ATP4A: variants seen among roughly 807,000 people sequenced by gnomAD.
ATP4A encodes ATPase H+/K+ transporting subunit alpha.
In ATP4A, 73 loss-of-function variants were observed where a neutral mutation model predicts 112.1. The ratio of observed to expected loss-of-function variants is 0.65; its 90% CI spans 0.54 to 0.79. The LOEUF is 0.79. Ranked by LOEUF, ATP4A falls within the 30% of genes least tolerant of loss-of-function variation. The pLI, the probability that ATP4A is intolerant of heterozygous loss-of-function variation, is 0.00. For synonymous variants in ATP4A, 588 were observed against 588.9 expected (o/e 1.00, Z 0.02); for missense variants, 1,081 against 1,425.9 (o/e 0.76, Z 3.90).
Position 35,557,131 on chromosome 19 carries a change from C to T in ATP4A, c.1694-43G>A. ...AGTCAGGGAAGAGCCCTGGGCACAC[C>T]CTTTCTTAGCAGGGCCAGGAAATGG... is the stretch of plus-strand genomic sequence containing the variant. On this transcript the variant is annotated intron_variant, in intron 11 of 21. Coordinates refer to ENST00000262623, the MANE Select transcript of ATP4A (RefSeq NM_000704.3). This position sits in a 1 kb window ranked among gnomAD's most constrained non-coding sequence, Gnocchi z 4.4. The T allele has an allele frequency of 1.2e-6, 2 of 1,605,048 alleles. No individual in the cohort carries two copies. The highest frequency in any genetic ancestry group is 1.7e-6 in the Non-Finnish European group (2 of 1,174,310).
Position 35,557,719 on chromosome 19 carries a change from C to A in ATP4A, c.1629G>T (p.Glu543Asp). 1.2e-6 allele frequency: 2 copies of A among 1,608,282 alleles called. No homozygotes were observed. Among genetic ancestry groups the A allele is most frequent in the Non-Finnish European group, 1.7e-6 (2 of 1,177,592 alleles). ...LIKGQELPLD[E>D]QWREAFQTAY... ...CGGTCTGGAAGGCCTCGCGCCACTGCTCGTCCAGCGGCAGCTCCTGGCCCT... is the reference window on the plus strand; with the variant it reads ...CGGTCTGGAAGGCCTCGCGCCACTGATCGTCCAGCGGCAGCTCCTGGCCCT... The change falls in exon 11 of 22, where the codon GAG becomes GAT. Residue 543 changes from glutamate (E) to aspartate (D), a missense_variant. This residue lies in a region of ATP4A where 850 missense variants were observed against 1,068.2 expected (regional missense o/e 0.80). Transcript: ENST00000262623. The surrounding 1 kb of genome is among the most constrained non-coding windows in gnomAD (Gnocchi z 4.4).
chr19:35,553,707 A>T lies in ATP4A; in HGVS notation c.2604T>A (p.Ile868=). 6.2e-7 allele frequency: 1 copy of T among 1,613,418 alleles called. No individual in the cohort carries two copies. The highest frequency in any genetic ancestry group is 8.5e-7 in the Non-Finnish European group (1 of 1,179,736). The change falls in exon 17 of 22, where the codon ATT becomes ATA. Residue 868 remains isoleucine, a splice_region_variant and synonymous_variant. Coordinates refer to ENST00000262623, the MANE Select transcript of ATP4A (RefSeq NM_000704.3). ...EPLAAYSYFQ[I]GAIQSFAGFT... ...GCTCCCCGGCCCACGGGCACCCACC[A>T]ATCTGGAAGTAGGAGTAGGCAGCCA...
chr19:35,561,401 C>G (rs1050539983), intron 4 of ATP4A, among the ~76,000 whole-genome samples: 5 of 152,054 alleles, frequency 3.3e-5, no homozygotes, highest in Non-Finnish European at 7.4e-5. Context: ...CCCTGGGCCC[C>G]CTTGTCCCTG....
chr19:35,552,470 C>T (rs1568312984), intron 18 of ATP4A, among the ~76,000 whole-genome samples: 1 of 152,174 alleles, frequency 6.6e-6, no homozygotes, highest in Non-Finnish European at 1.5e-5. Context: ...CTGAGGTAGA[C>T]TTTGATATTC....
In ATP4A at chr19:35,550,975, C is replaced by T; in HGVS notation, c.2987+35G>A. The T allele has an allele frequency of 6.2e-7, 1 of 1,613,014 alleles. No individual in the cohort carries two copies. The highest frequency in any genetic ancestry group is 8.5e-7 in the Non-Finnish European group (1 of 1,179,410). On this transcript the variant is annotated intron_variant, in intron 20 of 21. Transcript: ENST00000262623. This position sits in a 1 kb window ranked among gnomAD's most constrained non-coding sequence, Gnocchi z 4.1. ...GCCATCCCAGGCCTGTGCCCTACAG[C>T]CCCCTCCCTGTCCTTGCCCCTCACA...
Position 35,558,934 on chromosome 19 carries a change from T to G in ATP4A, c.1255+59A>C. 6.3e-7 allele frequency: 1 copy of G among 1,595,896 alleles called. No individual in the cohort carries two copies. The highest frequency in any genetic ancestry group is 8.6e-7 in the Non-Finnish European group (1 of 1,165,868). On this transcript the variant is annotated intron_variant, in intron 8 of 21. Transcript: ENST00000262623. This position sits in a 1 kb window ranked among gnomAD's most constrained non-coding sequence, Gnocchi z 5.1. Reference sequence around the variant, plus strand: ...GCCCTCCCTACCTCCCTATCCCTCTTCAGGTCTCCACCATCCACCAGATCC... The same window carrying G: ...GCCCTCCCTACCTCCCTATCCCTCTGCAGGTCTCCACCATCCACCAGATCC...
chr19:35,550,816 C>T lies in ATP4A; in HGVS notation c.3079+18G>A, dbSNP rs1180034100. 18 of 1,613,878 alleles carry T rather than the reference C, an allele frequency of 1.1e-5. No homozygotes were observed. The highest frequency in any genetic ancestry group is 1.5e-5 in the Non-Finnish European group (18 of 1,179,800). On this transcript the variant is annotated intron_variant, in intron 21 of 21. Transcript: ENST00000262623. This position sits in a 1 kb window ranked among gnomAD's most constrained non-coding sequence, Gnocchi z 4.1. ...CGTTTCAGTCCCCTGCCCCCAGGCTCCCAGTCTCCACACTCACTCCCTGGG... is the reference window on the plus strand; with the variant it reads ...CGTTTCAGTCCCCTGCCCCCAGGCTTCCAGTCTCCACACTCACTCCCTGGG...
chr19:35,552,926 A>G, intron 18 of ATP4A, 111 bp downstream of exon 18: 1 of 1,379,048 alleles, frequency 7.3e-7, no homozygotes, highest in Non-Finnish European at 9.7e-7. Context: ...GGGGTCCGGG[A>G]TGCTCTGGCT....
Position 35,562,431 on chromosome 19 carries a change from T to C in ATP4A, c.420+4A>G. ...CCTGAGCCTGTCCCCACAACATGGC[T>C]CACATTGTCGTCGGTGGTGAGGTCC... On this transcript the variant is annotated splice_donor_region_variant and intron_variant, in intron 4 of 21. Transcript: ENST00000262623. 2 of 1,612,962 alleles carry C rather than the reference T, an allele frequency of 1.2e-6. No individual in the cohort carries two copies. The highest frequency in any genetic ancestry group is 1.7e-6 in the Non-Finnish European group (2 of 1,179,446).
rs1223439784 is a variant in ATP4A at position 35,557,051 on chromosome 19, C to T, written c.1731G>A (p.Pro577=). ...CCTCTACGTCGAAGGCATAGCCAGG[C>T]GGGTAGTCCTTCTCATTCAGGTAGA... is the stretch of plus-strand genomic sequence containing the variant. The part of the protein sequence containing the change: ...CQLYLNEKDY[P]PGYAFDVEAM... The change falls in exon 12 of 22, where the codon CCG becomes CCA. Residue 577 remains proline (P), a synonymous_variant. Coordinates refer to ENST00000262623, the MANE Select transcript of ATP4A (RefSeq NM_000704.3). This position sits in a 1 kb window ranked among gnomAD's most constrained non-coding sequence, Gnocchi z 4.4. The T allele has an allele frequency of 3.7e-6, 6 of 1,614,198 alleles. No homozygotes were observed. Among genetic ancestry groups the T allele is most frequent in the African/African-American group, 1.3e-5 (1 of 75,044 alleles).
Position 35,562,554 on chromosome 19 carries a change from C to T in ATP4A, c.301G>A (p.Val101Ile), listed in dbSNP as rs746909657. ...LRPPRGTPEY[V>I]KFARQLAGGL... ...CCGGCCAGCTGCCTCGCGAACTTGA[C>T]GTACTCTGGGGTGCCCCGTGGTGGC... The change falls in exon 4 of 22, where the codon GTC becomes ATC. Residue 101 changes from valine (V) to isoleucine (I), a missense_variant. Physicochemically the swap from Val to Ile is conservative, Grantham distance 29. Transcript: ENST00000262623. 1.4e-5 allele frequency: 23 copies of T among 1,612,912 alleles called. No individual in the cohort carries two copies. Among genetic ancestry groups the T allele is most frequent in the South Asian group, 1.1e-4 (10 of 90,892 alleles).
Position 35,555,703 on chromosome 19 carries a change from C to T in ATP4A, c.1979G>A (p.Arg660His), listed in dbSNP as rs752094325. 135 of 1,608,628 alleles carry T rather than the reference C, an allele frequency of 8.4e-5. No individual in the cohort carries two copies. The highest frequency in any genetic ancestry group is 8.7e-5 in the Non-Finnish European group (102 of 1,175,610). The change falls in exon 13 of 22, where the codon CGT becomes CAT. Residue 660 changes from arginine to histidine, a missense_variant. Coordinates refer to ENST00000262623, the MANE Select transcript of ATP4A (RefSeq NM_000704.3). This position sits in a 1 kb window ranked among gnomAD's most constrained non-coding sequence, Gnocchi z 6.6. ...ETVEDIAARL[R>H]VPVDQVNRKD... ...GCGATTAACCTGGTCTACGGGCACACGGAGGCGGGCAGCGATGTCCTCCAC... is the reference window on the plus strand; with the variant it reads ...GCGATTAACCTGGTCTACGGGCACATGGAGGCGGGCAGCGATGTCCTCCAC...
rs1218640769 is a variant in ATP4A at position 35,559,243 on chromosome 19, C to G, written c.1057-52G>C. On this transcript the variant is annotated intron_variant, in intron 7 of 21. Transcript: ENST00000262623. This position sits in a 1 kb window ranked among gnomAD's most constrained non-coding sequence, Gnocchi z 4.1. ...TGGGGACCCACCCTGGCTTCCAGTCCTCTTCCCCGCGTCAAAGAACGGGGA... is the reference window on the plus strand; with the variant it reads ...TGGGGACCCACCCTGGCTTCCAGTCGTCTTCCCCGCGTCAAAGAACGGGGA... The G allele has an allele frequency of 6.3e-7, 1 of 1,583,828 alleles. No homozygotes were observed. Among genetic ancestry groups the G allele is most frequent in the African/African-American group, 1.3e-5 (1 of 74,354 alleles).
chr19:35,550,904 G>A lies in ATP4A; in HGVS notation c.3009C>T (p.Pro1003=), dbSNP rs751179419. The A allele has an allele frequency of 4.3e-6, 7 of 1,614,192 alleles. No individual in the cohort carries two copies. In the Admixed American group the frequency reaches 1.0e-4, roughly 23 times the overall value. Residue 1003 remains proline (P), a synonymous_variant, in exon 21 of 22, where the codon CCC becomes CCT. Transcript: ENST00000262623. This position sits in a 1 kb window ranked among gnomAD's most constrained non-coding sequence, Gnocchi z 4.1. ...MPIRFQWWLV[P]LPYGILIFVY... The stretch of plus-strand genomic sequence containing the variant: ...CGAAGATGAGGATGCCGTAGGGCAG[G>A]GGGACCAGCCACCACTGGAACCTGA...
intron 12 of ATP4A, among the ~76,000 whole-genome samples, chr19:35,556,639 G>GGT (rs1234649604): frequency 6.6e-6 from 1 of 152,174 alleles, no homozygotes; most frequent in Non-Finnish European, 1.5e-5. Flanking sequence ...CTGGAGCAGG[G>GGT]GTGTGTGTGT....
rs577997195 is a variant in ATP4A at position 35,557,861 on chromosome 19, G to A, written c.1501-14C>T. The A allele has an allele frequency of 7.5e-6, 11 of 1,462,128 alleles. No individual in the cohort carries two copies. The highest frequency in any genetic ancestry group is 2.5e-5 in the East Asian group (1 of 39,266). The allele number at this position is 1,462,128 out of a possible 1,614,324, so 90.6% of individuals were successfully genotyped here. A position where few individuals can be genotyped will look rare whatever the true frequency, so the allele number is the denominator to read the frequency against. Reference sequence around the variant, plus strand: ...ATGGATGGACAGCTGTGGGCGGGGGGGAGAGGCGAGGCTGTGGACGGGGGA... The same window carrying A: ...ATGGATGGACAGCTGTGGGCGGGGGAGAGAGGCGAGGCTGTGGACGGGGGA... On this transcript the variant is annotated splice_polypyrimidine_tract_variant and intron_variant, in intron 10 of 21. Transcript: ENST00000262623. The surrounding 1 kb of genome is among the most constrained non-coding windows in gnomAD (Gnocchi z 4.4).
rs531849322 is a variant in ATP4A, at chr19:35,550,444, G to A, written c.*171C>T. On this transcript the variant is annotated 3_prime_UTR_variant, in exon 22 of 22. Transcript: ENST00000262623. The surrounding 1 kb of genome is among the most constrained non-coding windows in gnomAD (Gnocchi z 4.1). ...GGTGCGAACCTTGGGAATGGGGGAG[G>A]GGAGTGGGCAGGTCCCTCCAAGTTT... 1,405 of 797,074 alleles carry A rather than the reference G, an allele frequency of 1.8e-3. 3 individuals carry two copies. Among genetic ancestry groups the A allele is most frequent in the Middle Eastern group, 4.0e-3 (13 of 3,290 alleles). The allele number at this position is 797,074 out of a possible 1,614,324, so 49.4% of individuals were successfully genotyped here.
At chr19:35,562,308 T>C in intron 4 of ATP4A, 127 bp downstream of exon 4, 1 of 1,158,754 alleles carries the variant, frequency 8.6e-7, no homozygotes, top group Non-Finnish European at 1.2e-6. Flanking sequence ...ATGACCCCTG[T>C]CTTGAGACTG....
intron 17 of ATP4A, 146 bp from the exon 18 acceptor site, chr19:35,553,328 A>G: frequency 2.1e-6 from 2 of 954,312 alleles, no homozygotes; most frequent in Non-Finnish European, 3.0e-6. Context: ...ACAGGGACAC[A>G]GATACACAAG....
Sources: gnomAD v4.1 joint callset for allele counts (sites outside exome capture counted in the v4.1 genomes callset) on GRCh38, gnomAD v4.1.1 for gene constraint, gnomAD v4.1.1 regional missense constraint, Gnocchi (gnomAD v3.1) non-coding constraint, MANE v1.5 for transcripts, NCBI Gene and HGNC (gene_info 2026-07-23, HGNC 2026-07-21) for gene names.